The following RANBP17 variants were observed in gnomAD, a reference collection of about 807,000 sequenced individuals.
RANBP17 encodes the protein ran-binding protein 17.
RANBP17 carries 158 observed loss-of-function variants against 141.2 expected under a neutral mutation model. That is an observed-to-expected ratio of 1.12 (90% confidence interval 0.98 to 1.28). RANBP17 has a LOEUF of 1.28. RANBP17 is among the 50% of genes most tolerant of loss of function. The pLI is 0.00. For missense variants in RANBP17, 1,438 were observed against 1,290.7 expected, an observed-to-expected ratio of 1.11 and a Z score of -1.75; for synonymous variants, 430 against 450.0, an observed-to-expected ratio of 0.96 and a Z score of 0.56.
chr5:171,136,988 T>C (rs949299174), intron 14 of RANBP17, among the ~76,000 whole-genome samples: 1 of 152,134 alleles, frequency 6.6e-6, no homozygotes, highest in Non-Finnish European at 1.5e-5. Flanking sequence ...GGAAGACTTG[T>C]GGCTGGCTTT....
intron 11 of RANBP17, among the ~76,000 whole-genome samples, chr5:170,923,550 G>T (rs78975474): frequency 0.029 from 4,406 of 152,128 alleles, 213 homozygotes; most frequent in African/African-American, 0.098. Context: ...ATTTTGACTG[G>T]GATTGCATTG....
chr5:171,098,174 A>G (rs899045794), intron 14 of RANBP17, among the ~76,000 whole-genome samples: 2 of 152,120 alleles, frequency 1.3e-5, no homozygotes, highest in Non-Finnish European at 2.9e-5. Context: ...GCTGGGTCAA[A>G]TGGTATTTCT....
chr5:171,071,645 G>A (rs1487581083), intron 14 of RANBP17, among the ~76,000 whole-genome samples: 1 of 63,542 alleles, frequency 1.6e-5, no homozygotes, highest in African/African-American at 5.9e-5. Context: ...ACAATGAACA[G>A]CTTTATGCAA....
chr5:171,081,850 G>A (rs1176209183), intron 14 of RANBP17, among the ~76,000 whole-genome samples: 1 of 152,054 alleles, frequency 6.6e-6, no homozygotes, highest in East Asian at 1.9e-4. Context: ...ATTACTATCA[G>A]ATGAACAGTT....
intron 14 of RANBP17, among the ~76,000 whole-genome samples, chr5:171,024,819 A>G (rs1489064813): frequency 1.3e-5 from 2 of 151,192 alleles, no homozygotes; most frequent in African/African-American, 4.9e-5. Flanking sequence ...AAATAGCATC[A>G]TGCACTCCTG....
intron 22 of RANBP17, among the ~76,000 whole-genome samples, chr5:171,228,535 TA>T (rs1764015971): frequency 6.6e-6 from 1 of 152,230 alleles, no homozygotes; most frequent in Non-Finnish European, 1.5e-5. Flanking sequence ...CCTTAGTTGA[TA>T]AAGTGGCAGC....
intron 4 of RANBP17, among the ~76,000 whole-genome samples, chr5:170,894,490 A>T (rs957794831): frequency 6.8e-6 from 1 of 146,114 alleles, no homozygotes; most frequent in Non-Finnish European, 1.5e-5. Flanking sequence ...TGTTTTTTAT[A>T]TATATATATA....
At chr5:171,078,783 A>G (rs1785092044) in intron 14 of RANBP17, among the ~76,000 whole-genome samples, 1 of 152,238 alleles carries the variant, frequency 6.6e-6, no homozygotes, top group African/African-American at 2.4e-5. Context: ...AGAAAAAAAG[A>G]TTAATTTTCA....
At chr5:171,261,961 T>C (rs1024506805) in intron 24 of RANBP17, among the ~76,000 whole-genome samples, 1 of 152,148 alleles carries the variant, frequency 6.6e-6, no homozygotes, top group Non-Finnish European at 1.5e-5. Context: ...AACATTTATC[T>C]TTTTCAAAGT....
At chr5:171,298,247 T>A (rs939623252) in intron 27 of RANBP17, among the ~76,000 whole-genome samples, 6 of 152,178 alleles carry the variant, frequency 3.9e-5, no homozygotes, top group Admixed American at 3.9e-4. Flanking sequence ...ATCACCGGAC[T>A]CATAAGTGGT....
At chr5:171,090,441 T>C (rs1360935958) in intron 14 of RANBP17, among the ~76,000 whole-genome samples, 1 of 152,094 alleles carries the variant, frequency 6.6e-6, no homozygotes, top group Non-Finnish European at 1.5e-5. Flanking sequence ...AGGCATTCAG[T>C]TTTAAAAGGG....
intron 13 of RANBP17, among the ~76,000 whole-genome samples, chr5:170,966,852 G>C (rs1387442244): frequency 6.6e-6 from 1 of 151,920 alleles, no homozygotes; most frequent in Non-Finnish European, 1.5e-5. Context: ...AAAGTCTCAG[G>C]ATACAAAATC....
chr5:171,045,946 T>G (rs1295772964), intron 14 of RANBP17, among the ~76,000 whole-genome samples: 1 of 152,194 alleles, frequency 6.6e-6, no homozygotes, highest in African/African-American at 2.4e-5. Context: ...TTCCAGAATG[T>G]TATGTAAATG....
At chr5:170,917,905 G>T (rs188084236) in intron 9 of RANBP17, among the ~76,000 whole-genome samples, 1 of 151,918 alleles carries the variant, frequency 6.6e-6, no homozygotes, top group Non-Finnish European at 1.5e-5. Flanking sequence ...AATTTTTTTG[G>T]TTATTTTTCT....
At chr5:170,922,769 G>A (rs10036167) in intron 11 of RANBP17, among the ~76,000 whole-genome samples, 91,181 of 151,896 alleles carry the variant, frequency 0.6, 29,133 homozygotes, top group South Asian at 0.89. Flanking sequence ...GACCCCTTGC[G>A]CTTCCTGGGT....
At chr5:171,267,200 AT>A (rs75633814) in intron 25 of RANBP17, among the ~76,000 whole-genome samples, 1,788 of 131,902 alleles carry the variant, frequency 0.014, 26 homozygotes, top group African/African-American at 0.037. Context: ...CATCCAGCTA[AT>A]TTTTTTTTTT....
intron 13 of RANBP17, among the ~76,000 whole-genome samples, chr5:170,964,873 T>A (rs1034556334): frequency 2.4e-4 from 37 of 152,316 alleles, no homozygotes; most frequent in African/African-American, 6.7e-4. Context: ...TGCATGTGTC[T>A]TTATAACAGC....
At chr5:171,252,897 AC>A in intron 24 of RANBP17, 1 of 1,428,992 alleles carries the variant, frequency 7.0e-7, no homozygotes, top group Non-Finnish European at 9.8e-7. Flanking sequence ...AAATAGATGC[AC>A]AAGCTATTGA....
intron 24 of RANBP17, chr5:171,243,095 G>A (rs973493519): frequency 2.6e-6 from 1 of 388,258 alleles, no homozygotes; most frequent in Non-Finnish European, 4.6e-6. Flanking sequence ...TTGTACAAAT[G>A]TGTACATGTA....
Sources: gnomAD v4.1 joint callset for allele counts (sites outside exome capture counted in the v4.1 genomes callset) on GRCh38, gnomAD v4.1.1 for gene constraint, MANE v1.5 for transcripts, NCBI Gene and HGNC (gene_info 2026-07-23, HGNC 2026-07-21) for gene names.